Variants in SRGAP1 observed in about 807,000 individuals in gnomAD.
The protein encoded by SRGAP1 is SLIT-ROBO Rho GTPase activating protein 1.
In SRGAP1, 43 loss-of-function variants were observed where a neutral mutation model predicts 121.9. The observed-to-expected ratio is 0.35, with a 90% CI of 0.28 to 0.46. The LOEUF is 0.46. Ranked by LOEUF, SRGAP1 falls within the 20% of genes least tolerant of loss-of-function variation. SRGAP1 has a pLI of 1.00. For missense variants in SRGAP1, 1,102 were observed against 1,350.9 expected (o/e 0.82, Z 2.89); for synonymous variants, 447 against 485.4 (o/e 0.92, Z 1.04).
intron 4 of SRGAP1, among the ~76,000 whole-genome samples, chr12:64,020,843 C>CAAAAAAAAAAAAAAAA (rs34144761): frequency 1.4e-5 from 1 of 70,068 alleles, no homozygotes; most frequent in African/African-American, 5.4e-5. Context: ...GACTCCGTCT[C>CAAAAAAAAAAAAAAAA]AAAAAAAAAA....
At chr12:63,885,463 G>A (rs1900347295) in intron 1 of SRGAP1, among the ~76,000 whole-genome samples, 1 of 152,128 alleles carries the variant, frequency 6.6e-6, no homozygotes, top group African/African-American at 2.4e-5. Flanking sequence ...ACTCTCTTGG[G>A]TTTCTGTGGA....
At chr12:63,938,050 G>A (rs1458941704) in intron 1 of SRGAP1, among the ~76,000 whole-genome samples, 1 of 152,218 alleles carries the variant, frequency 6.6e-6, no homozygotes, top group African/African-American at 2.4e-5. Context: ...ACTAAGCCAT[G>A]TGTAACAGTC....
rs1270810944 is a variant in SRGAP1, at chr12:64,152,050, A to G, written c.*9378A>G. 1 of 152,176 alleles carries G rather than the reference A, an allele frequency of 6.6e-6. No individual in the cohort carries two copies. The highest frequency in any genetic ancestry group is 2.4e-5 in the African/African-American group (1 of 41,444). 9.4% of individuals were successfully genotyped at this position (152,176 alleles called of 1,614,324 possible). On this transcript the variant is annotated 3_prime_UTR_variant, in exon 22 of 22. Transcript: ENST00000355086. ...GAAATGATTATCTACACTGCTGCCA[A>G]TAAATCATCTTTCTCAAAAACAAAA...
In SRGAP1 at chr12:64,142,706, C is replaced by CT; in HGVS notation, c.*36dup. The CT allele has an allele frequency of 3.2e-6, 5 of 1,566,132 alleles. No individual in the cohort carries two copies. Among genetic ancestry groups the CT allele is most frequent in the Non-Finnish European group, 4.3e-6 (5 of 1,155,576 alleles). On this transcript the variant is annotated 3_prime_UTR_variant, in exon 22 of 22. Transcript: ENST00000355086. ...CAAGCAAGGCCATAAAGGGAGGTGA[C>CT]TTAAAAAAGAAAATGGATTAGTGAC...
chr12:64,139,424 G>A (rs1212101575), intron 21 of SRGAP1, among the ~76,000 whole-genome samples: 1 of 152,154 alleles, frequency 6.6e-6, no homozygotes, highest in Non-Finnish European at 1.5e-5. Context: ...AGAAATTATT[G>A]CAGTATCTAA....
intron 1 of SRGAP1, among the ~76,000 whole-genome samples, chr12:63,960,780 A>T (rs1178276642): frequency 2.6e-5 from 4 of 152,172 alleles, no homozygotes; most frequent in African/African-American, 9.7e-5. Context: ...AGAGAAGGTG[A>T]TGATGTGACA....
intron 6 of SRGAP1, among the ~76,000 whole-genome samples, chr12:64,046,483 A>G (rs2035132526): frequency 6.6e-6 from 1 of 152,118 alleles, no homozygotes; most frequent in Non-Finnish European, 1.5e-5. Context: ...GGACTGGTGT[A>G]GTAGTGATAG....
intron 3 of SRGAP1, among the ~76,000 whole-genome samples, chr12:64,013,606 CA>C (rs1394169851): frequency 6.6e-6 from 1 of 152,174 alleles, no homozygotes; most frequent in African/African-American, 2.4e-5. Flanking sequence ...CAACTTTTCA[CA>C]AAATCTAAAA....
At chr12:64,104,859 T>G (rs988520993) in intron 15 of SRGAP1, among the ~76,000 whole-genome samples, 3 of 152,104 alleles carry the variant, frequency 2.0e-5, no homozygotes, top group African/African-American at 7.2e-5. Flanking sequence ...GTCTTTCATT[T>G]GCATCCCACA....
chr12:63,950,674 C>T (rs2032257822), intron 1 of SRGAP1, among the ~76,000 whole-genome samples: 1 of 152,134 alleles, frequency 6.6e-6, no homozygotes, highest in Non-Finnish European at 1.5e-5. Flanking sequence ...CCATCTTAAC[C>T]AAAGTCTTTG....
chr12:64,137,225 T>C (rs1209937722), intron 21 of SRGAP1, among the ~76,000 whole-genome samples: 1 of 151,806 alleles, frequency 6.6e-6, no homozygotes, highest in African/African-American at 2.4e-5. Flanking sequence ...GATCACAGTA[T>C]TGCATTGCAT....
At chr12:64,000,275 T>TGTGTGTGTGTA (rs1555163998) in intron 3 of SRGAP1, among the ~76,000 whole-genome samples, 9 of 133,376 alleles carry the variant, frequency 6.7e-5, no homozygotes, top group African/African-American at 1.4e-4. Context: ...TGTGTGTGTG[T>TGTGTGTGTGTA]AAAAAAAAAA....
chr12:64,119,770 C>CTTTTTTTTTTTTTTTTTTTTTTTGTTTT (rs997729181), intron 18 of SRGAP1, among the ~76,000 whole-genome samples: 2 of 107,452 alleles, frequency 1.9e-5, no homozygotes, highest in African/African-American at 3.5e-5. Flanking sequence ...TTATTTGTTT[C>CTTTTTTTTTTTTTTTTTTTTTTTGTTTT]TTTTTTTTTT....
In SRGAP1 at chr12:63,984,073, G is replaced by A. The variant is rs1295975626; in HGVS notation, c.194G>A (p.Arg65Gln). The A allele has an allele frequency of 3.9e-6, 6 of 1,546,290 alleles. No homozygotes were observed. The highest frequency in any genetic ancestry group is 2.5e-5 in the South Asian group (2 of 81,294). Residue 65 changes from arginine to glutamine, a missense_variant, in exon 2 of 22, where the codon CGG becomes CAG. This residue lies in a region of SRGAP1 where 747 missense variants were observed against 929.4 expected (regional missense o/e 0.80). Coordinates refer to ENST00000355086, the MANE Select transcript of SRGAP1 (RefSeq NM_020762.4). ...KKAEIETEYSRNLEKLAERFM... is the reference protein window; with the variant it reads ...KKAEIETEYSQNLEKLAERFM... ...GCTGAAATTGAGACGGAATATTCCC[G>A]GAATCTAGAGAAGTTAGCAGAAAGG... is the stretch of plus-strand genomic sequence containing the variant.
At position 64,149,136 on chromosome 12, in the gene SRGAP1, G is replaced by GAT. The variant is rs1262787179; in HGVS notation, c.*6467_*6468dup. On this transcript the variant is annotated 3_prime_UTR_variant, in exon 22 of 22. Transcript: ENST00000355086. Reference sequence around the variant, plus strand: ...GATTAAACTTTGGGTAGTATATGCAGATATCTTTAAACATGGAGAAATGAA... The same window carrying GAT: ...GATTAAACTTTGGGTAGTATATGCAGATATATCTTTAAACATGGAGAAATGAA... 6.6e-6 allele frequency: 1 copy of GAT among 152,174 alleles called. No homozygotes were observed. Among genetic ancestry groups the GAT allele is most frequent in the Non-Finnish European group, 1.5e-5 (1 of 68,042 alleles). The allele number at this position is 152,174 out of a possible 1,614,324, so 9.4% of individuals were successfully genotyped here. A position where few individuals can be genotyped will look rare whatever the true frequency, so the allele number is the denominator to read the frequency against.
chr12:64,056,914 C>T (rs1008862391), intron 6 of SRGAP1, among the ~76,000 whole-genome samples: 2 of 152,172 alleles, frequency 1.3e-5, no homozygotes, highest in African/African-American at 4.8e-5. Flanking sequence ...CCCTAACTCT[C>T]CCTATTCCTT....
At chr12:63,900,206 T>C (rs1592928632) in intron 1 of SRGAP1, among the ~76,000 whole-genome samples, 1 of 85,738 alleles carries the variant, frequency 1.2e-5, no homozygotes, top group Non-Finnish European at 2.4e-5. Context: ...TTCTTTTTCT[T>C]TTTTTTTTTT....
intron 6 of SRGAP1, among the ~76,000 whole-genome samples, chr12:64,060,205 C>CTTTTTTTTT (rs58447783): frequency 4.9e-5 from 6 of 121,442 alleles, no homozygotes; most frequent in African/African-American, 6.1e-5. Context: ...TTCTTTTTTT[C>CTTTTTTTTT]TTTTTTTTTT....
chr12:64,008,328 G>A (rs2034148951), intron 3 of SRGAP1, among the ~76,000 whole-genome samples: 1 of 151,854 alleles, frequency 6.6e-6, no homozygotes, highest in African/African-American at 2.4e-5. Flanking sequence ...AGCAACCCAA[G>A]TGTCTTTGTC....
Sources: gnomAD v4.1 joint callset for allele counts (sites outside exome capture counted in the v4.1 genomes callset) on GRCh38, gnomAD v4.1.1 for gene constraint, gnomAD v4.1.1 regional missense constraint, MANE v1.5 for transcripts, NCBI Gene and HGNC (gene_info 2026-07-23, HGNC 2026-07-21) for gene names.